The following FAM120B variants were observed in gnomAD, a reference collection of about 807,000 sequenced individuals.
FAM120B encodes family with sequence similarity 120 member B.
Under a neutral mutation model 96.3 loss-of-function variants are expected in FAM120B, and 83 were observed. The ratio of observed to expected loss-of-function variants is 0.86; its 90% CI spans 0.72 to 1.03. The LOEUF is 1.03. Among genes scored for constraint, FAM120B ranks in the 50% least tolerant of loss-of-function variants. The pLI is 0.00. For synonymous variants in FAM120B, 407 were observed against 402.7 expected (o/e 1.01, Z -0.13); for missense variants, 1,027 against 1,121.2 (o/e 0.92, Z 1.20).
chr6:170,329,591 C>G (rs891464407), intron 3 of FAM120B, among the ~76,000 whole-genome samples: 1 of 151,804 alleles, frequency 6.6e-6, no homozygotes, highest in Admixed American at 6.6e-5. Context: ...CCTTTTTTAC[C>G]GACTTTTTTT....
At position 170,317,377 on chromosome 6, in the gene FAM120B, C is replaced by T; in HGVS notation, c.-14C>T. The T allele has an allele frequency of 6.3e-7, 1 of 1,595,022 alleles. No homozygotes were observed. The highest frequency in any genetic ancestry group is 8.6e-7 in the Non-Finnish European group (1 of 1,165,132). On this transcript the variant is annotated 5_prime_UTR_variant, in exon 2 of 11. Transcript: ENST00000476287. ...ATTTATCTTTCTTTCCAGATCCTTT[C>T]CCGGAGTTCAGTTATGGGTGTGAGA... is the stretch of plus-strand genomic sequence containing the variant.
chr6:170,357,914 G>A (rs1788059901), intron 5 of FAM120B, among the ~76,000 whole-genome samples: 1 of 152,236 alleles, frequency 6.6e-6, no homozygotes. Flanking sequence ...CATACTGTCT[G>A]CTGCCTGAGG....
At chr6:170,333,101 G>A (rs936557827) in intron 4 of FAM120B, among the ~76,000 whole-genome samples, 8 of 152,200 alleles carry the variant, frequency 5.3e-5, no homozygotes, top group African/African-American at 1.9e-4. Context: ...GAGCCAGGGA[G>A]CAGAAAAAGA....
chr6:170,385,840 C>T (rs1562590977), intron 6 of FAM120B, among the ~76,000 whole-genome samples: 2 of 152,280 alleles, frequency 1.3e-5, no homozygotes, highest in Non-Finnish European at 1.5e-5. Flanking sequence ...ATGGAGGAAA[C>T]TTAAATGCAT....
upstream of FAM120B, among the ~76,000 whole-genome samples, chr6:170,291,736 C>T (rs956903077): frequency 3.3e-5 from 5 of 152,292 alleles, no homozygotes; most frequent in Admixed American, 2.0e-4. Context: ...ACACCCGCAT[C>T]CCCGCGCCTT....
chr6:170,361,222 A>ATATATATACACG lies in FAM120B; in HGVS notation c.2283+2912_2283+2913insCACGTATATATA, dbSNP rs1554286442. ...TGTATATATATATATATATATATAT[A>ATATATATACACG]TATATATATATATACACGTATATAT... On this transcript the variant is annotated intron_variant, in intron 6 of 10. Coordinates refer to ENST00000476287, the MANE Select transcript of FAM120B (RefSeq NM_032448.3). Among the ~76,000 whole-genome samples, 47 of 101,986 alleles carry ATATATATACACG rather than the reference A, an allele frequency of 4.6e-4. 1 individual carries two copies. The highest frequency in any genetic ancestry group is 1.3e-3 in the African/African-American group (39 of 29,770). The allele number at this position is 101,986 out of a possible 152,430, so 66.9% of individuals were successfully genotyped here.
At chr6:170,361,218 A>ACACGTG (rs1554286340) in intron 6 of FAM120B, among the ~76,000 whole-genome samples, 1 of 108,878 alleles carries the variant, frequency 9.2e-6, no homozygotes, top group African/African-American at 3.4e-5. Flanking sequence ...ATATATATAT[A>ACACGTG]TATATATATA....
chr6:170,358,107 T>G, intron 5 of FAM120B, 119 bp from the exon 6 acceptor site: 1 of 801,826 alleles, frequency 1.2e-6, no homozygotes, highest in Non-Finnish European at 2.0e-6. Context: ...TGCCTGTACG[T>G]GCCTGTGTGT....
chr6:170,395,688 C>T (rs1186657643), intron 9 of FAM120B, 109 bp downstream of exon 9: 1 of 743,850 alleles, frequency 1.3e-6, no homozygotes. Flanking sequence ...TGTATAGTTC[C>T]AGTAAATAAA....
At chr6:170,301,237 T>A (rs553764234) in intron 1 of FAM120B, among the ~76,000 whole-genome samples, 11 of 152,238 alleles carry the variant, frequency 7.2e-5, no homozygotes, top group Non-Finnish European at 1.3e-4. Context: ...CAATACCACA[T>A]GGAATCTGCC....
chr6:170,375,239 G>A (rs971491014), intron 6 of FAM120B, among the ~76,000 whole-genome samples: 4 of 151,908 alleles, frequency 2.6e-5, no homozygotes, highest in Non-Finnish European at 2.9e-5. Context: ...CTAAATAACC[G>A]ACTGTGGAAT....
chr6:170,396,319 G>A (rs372110757), intron 9 of FAM120B, among the ~76,000 whole-genome samples: 1 of 152,142 alleles, frequency 6.6e-6, no homozygotes, highest in Non-Finnish European at 1.5e-5. Context: ...GGTCTGTCTC[G>A]GGTGGAGTCT....
chr6:170,304,038 C>T (rs1784199846), upstream of FAM120B, among the ~76,000 whole-genome samples: 1 of 149,750 alleles, frequency 6.7e-6, no homozygotes, highest in Admixed American at 6.6e-5. Flanking sequence ...CTTCCCTTCT[C>T]CTCTCTCCTA....
chr6:170,340,718 T>C (rs1054156558), intron 4 of FAM120B, among the ~76,000 whole-genome samples: 1 of 152,210 alleles, frequency 6.6e-6, no homozygotes, highest in Non-Finnish European at 1.5e-5. Context: ...GTTACTTTGT[T>C]TGTTAGTTTT....
At chr6:170,384,692 G>A (rs1790094349) in intron 6 of FAM120B, among the ~76,000 whole-genome samples, 1 of 152,240 alleles carries the variant, frequency 6.6e-6, no homozygotes, top group African/African-American at 2.4e-5. Flanking sequence ...ATCACAGTGG[G>A]ACGTGTGAGC....
In FAM120B at chr6:170,295,681, C is replaced by A. The variant is rs989121973; in HGVS notation, c.48+228C>A. On this transcript the variant is annotated intron_variant, in intron 1 of 10. Transcript: ENST00000537664. The surrounding 1 kb of genome is among the most constrained non-coding windows in gnomAD (Gnocchi z 7.8). ...GACCCGGCGAGTGACTTCCCCGGTG[C>A]GGCCGGGTCCCGGCGCCACACGCCC... Among the ~76,000 whole-genome samples, 1 of 152,132 alleles carries A rather than the reference C, an allele frequency of 6.6e-6. No homozygotes were observed. The highest frequency in any genetic ancestry group is 2.4e-5 in the African/African-American group (1 of 41,434).
At chr6:170,339,474 T>C (rs1786666704) in intron 4 of FAM120B, among the ~76,000 whole-genome samples, 1 of 151,964 alleles carries the variant, frequency 6.6e-6, no homozygotes, top group South Asian at 2.1e-4. Flanking sequence ...AAAGAAATTC[T>C]GAGTTGAAAA....
chr6:170,374,291 AAG>A (rs1373141419), intron 6 of FAM120B, among the ~76,000 whole-genome samples: 15 of 152,194 alleles, frequency 9.9e-5, no homozygotes, highest in African/African-American at 3.1e-4. Context: ...AGAGAAATAA[AAG>A]AGGTAAATTA....
intron 2 of FAM120B, among the ~76,000 whole-genome samples, chr6:170,321,348 T>C (rs1785273847): frequency 6.6e-6 from 1 of 152,144 alleles, no homozygotes; most frequent in South Asian, 2.1e-4. Context: ...ACCACAGCCT[T>C]ATATCTGTGT....
Sources: allele counts gnomAD v4.1 joint callset (sites outside exome capture counted in the v4.1 genomes callset), GRCh38; gene constraint gnomAD v4.1.1; non-coding constraint Gnocchi (gnomAD v3.1); transcripts MANE v1.5; gene names NCBI Gene and HGNC (gene_info 2026-07-23, HGNC 2026-07-21).